Variants in MYO10 observed in about 807,000 individuals in gnomAD.
The protein encoded by MYO10 is myosin X, also known as unconventional myosin-X.
MYO10 carries 133 observed loss-of-function variants against 257.3 expected under a neutral mutation model. The ratio of observed to expected loss-of-function variants is 0.52; its 90% CI spans 0.45 to 0.60. The LOEUF is 0.60. MYO10 is among the 20% of genes least tolerant of loss of function. MYO10 has a pLI of 0.00. For synonymous variants in MYO10, 1,104 were observed against 1,028.6 expected (o/e 1.07, Z -1.40); for missense variants, 2,399 against 2,635.7 (o/e 0.91, Z 1.97).
At position 16,766,061 on chromosome 5, in the gene MYO10, G is replaced by C. The variant is rs1372392110; in HGVS notation, c.1179+19C>G. ...AGGAGTGTCTAGTAACGCAAGATCA[G>C]ATGGCAAAGCGTGTGTACCTGTTGA... On this transcript the variant is annotated intron_variant, in intron 11 of 40. Transcript: ENST00000513610. The C allele has an allele frequency of 1.3e-6, 2 of 1,563,058 alleles. No homozygotes were observed. The highest frequency in any genetic ancestry group is 3.3e-5 in the Admixed American group (2 of 59,866).
At chr5:16,909,569 A>G (rs1745605821) in intron 1 of MYO10, among the ~76,000 whole-genome samples, 1 of 151,506 alleles carries the variant, frequency 6.6e-6, no homozygotes, top group Admixed American at 6.6e-5. Flanking sequence ...TTGCGAGAAT[A>G]GCACAGAAAA....
In MYO10 at chr5:16,777,839, C is replaced by CCTTTTTTTTTTTTTTTTTTTT. The variant is rs1560979466; in HGVS notation, c.930+1705_930+1706insAAAAAAAAAAAAAAAAAAAAG. Among the ~76,000 whole-genome samples the CCTTTTTTTTTTTTTTTTTTTT allele has an allele frequency of 1.7e-4, 15 of 88,480 alleles. 1 individual carries two copies. The highest frequency in any genetic ancestry group is 4.3e-4 in the African/African-American group (8 of 18,654). 58.0% of individuals were successfully genotyped at this position (88,480 alleles called of 152,430 possible). A position where few individuals can be genotyped will look rare whatever the true frequency, so the allele number is the denominator to read the frequency against. ...GCCACCCTAGGTGCATTGCATCTAACTTTTTTTTTTTTTTTTTTTTTTTTT... is the reference window on the plus strand; with the variant it reads ...GCCACCCTAGGTGCATTGCATCTAACCTTTTTTTTTTTTTTTTTTTTTTTTTTTTTTTTTTTTTTTTTTTTT... On this transcript the variant is annotated intron_variant, in intron 9 of 40. Coordinates refer to ENST00000513610, the MANE Select transcript of MYO10 (RefSeq NM_012334.3).
intron 19 of MYO10, chr5:16,713,620 T>G: frequency 1.8e-6 from 1 of 547,656 alleles, no homozygotes; most frequent in Non-Finnish European, 2.3e-6. Flanking sequence ...TCCCTGCCCC[T>G]TCCCAGTAAC....
intron 21 of MYO10, among the ~76,000 whole-genome samples, chr5:16,709,709 G>A (rs1738506816): frequency 6.6e-6 from 1 of 152,222 alleles, no homozygotes. Flanking sequence ...CAGCTCAGCT[G>A]TGCCCCAGCT....
At chr5:16,814,320 T>C (rs1460120027) in intron 3 of MYO10, among the ~76,000 whole-genome samples, 2 of 142,052 alleles carry the variant, frequency 1.4e-5, no homozygotes, top group Non-Finnish European at 3.0e-5. Context: ...TTTTTTGTAC[T>C]TTTTTTTTTA....
At position 16,701,687 on chromosome 5, in the gene MYO10, A is replaced by G. The variant is rs112696559; in HGVS notation, c.2708T>C (p.Met903Thr). The G allele has an allele frequency of 8.8e-3, 14,205 of 1,613,910 alleles. 93 individuals carry two copies. The highest frequency in any genetic ancestry group is 0.016 in the South Asian group (1,473 of 91,082). ...LEKEIEDLQRMKEQQELSLTE... is the reference protein window; with the variant it reads ...LEKEIEDLQRTKEQQELSLTE... ...CAGCGACAGCTCCTGCTGCTCCTTC[A>G]TGCGCTGCAGGTCCTCGATTTCTTT... The change falls in exon 25 of 41, where the codon ATG becomes ACG. Residue 903 changes from methionine (M) to threonine (T), a missense_variant. By Grantham distance (81) the Met-to-Thr change is moderately conservative. This residue lies in a region of MYO10 where 1,820 missense variants were observed against 1,939.4 expected (regional missense o/e 0.94). Coordinates refer to ENST00000513610, the MANE Select transcript of MYO10 (RefSeq NM_012334.3). This position sits in a 1 kb window ranked among gnomAD's most constrained non-coding sequence, Gnocchi z 8.1.
At chr5:16,761,598 G>A (rs746109212) in intron 16 of MYO10, 52 bp from the exon 17 acceptor site, 104 of 1,343,118 alleles carry the variant, frequency 7.7e-5, no homozygotes, top group Non-Finnish European at 9.9e-5. Context: ...ATAGTTTCAG[G>A]TCATAAGCAA....
In MYO10 at chr5:16,673,851, T is replaced by C. The variant is rs777520757; in HGVS notation, c.5003A>G (p.Tyr1668Cys). The part of the protein sequence containing the change: ...EQFPGSEMEK[Y>C]ALFTYESLKK... ...AAGAGATTCGTAAGTGAAGAGAGCGTATTTTTCCATCTCGCTTCCTGGAAA... is the reference window on the plus strand; with the variant it reads ...AAGAGATTCGTAAGTGAAGAGAGCGCATTTTTCCATCTCGCTTCCTGGAAA... The change falls in exon 36 of 41, where the codon TAC becomes TGC. Residue 1668 changes from tyrosine to cysteine, a missense_variant. By Grantham distance (194) the Tyr-to-Cys change is radical (BLOSUM62 -2). Transcript: ENST00000513610. The C allele has an allele frequency of 1.2e-6, 2 of 1,613,966 alleles. No homozygotes were observed. Among genetic ancestry groups the C allele is most frequent in the Non-Finnish European group, 1.7e-6 (2 of 1,179,874 alleles).
rs144303743 is a variant in MYO10, at chr5:16,867,665, T to C, written c.120+9944A>G. 4.8e-3 allele frequency among the ~76,000 whole-genome samples: 725 copies of C among 152,254 alleles called. 4 individuals are homozygous for C. Among genetic ancestry groups the C allele is most frequent in the Non-Finnish European group, 7.6e-3 (517 of 68,022 alleles). Reference sequence around the variant, plus strand: ...CCAAAAAGTCAGAGACGGCTTTAAGTGGGAGCTGCGATTGCTTTAAGTGGG... The same window carrying C: ...CCAAAAAGTCAGAGACGGCTTTAAGCGGGAGCTGCGATTGCTTTAAGTGGG... On this transcript the variant is annotated intron_variant, in intron 2 of 40. Transcript: ENST00000513610.
At chr5:16,915,953 C>T (rs1293409420) in intron 1 of MYO10, 2 of 393,696 alleles carry the variant, frequency 5.1e-6, no homozygotes, top group African/African-American at 3.0e-5. Context: ...CGAGACTCTA[C>T]GTCAAAAAGA....
intron 19 of MYO10, among the ~76,000 whole-genome samples, chr5:16,718,879 C>T (rs941501913): frequency 2.4e-4 from 36 of 152,150 alleles, no homozygotes; most frequent in Non-Finnish European, 2.6e-4. Context: ...CTGATGGGGA[C>T]GTGGAGAACC....
chr5:16,762,776 C>G, intron 14 of MYO10, 139 bp from the exon 15 acceptor site: 1 of 597,540 alleles, frequency 1.7e-6, no homozygotes, highest in Non-Finnish European at 2.9e-6. Flanking sequence ...CCAGCCTGGC[C>G]AACAGTGAAA....
chr5:16,849,695 T>C (rs1743743479), intron 2 of MYO10, among the ~76,000 whole-genome samples: 1 of 152,218 alleles, frequency 6.6e-6, no homozygotes, highest in Admixed American at 6.5e-5. Flanking sequence ...TAAATGATGT[T>C]AAATTAATGT....
At chr5:16,757,757 C>G (rs988482331) in intron 18 of MYO10, among the ~76,000 whole-genome samples, 1 of 152,126 alleles carries the variant, frequency 6.6e-6, no homozygotes, top group African/African-American at 2.4e-5. Context: ...CTTGATCTCC[C>G]AGGCTCAGGC....
intron 27 of MYO10, among the ~76,000 whole-genome samples, chr5:16,691,514 C>A (rs937860105): frequency 3.3e-5 from 5 of 151,560 alleles, no homozygotes; most frequent in Non-Finnish European, 5.9e-5. Context: ...GCCTGGCCAA[C>A]ATGGTGAAAT....
At position 16,666,658 on chromosome 5, in the gene MYO10, C is replaced by CAGGT. The variant is rs1464157504; in HGVS notation, c.*30_*33dup. 1.3e-6 allele frequency: 2 copies of CAGGT among 1,545,342 alleles called. No individual in the cohort carries two copies. The highest frequency in any genetic ancestry group is 2.4e-5 in the South Asian group (2 of 84,980). On this transcript the variant is annotated 3_prime_UTR_variant, in exon 41 of 41. Coordinates refer to ENST00000513610, the MANE Select transcript of MYO10 (RefSeq NM_012334.3). ...AGCCTAGGCCAGAGGGTGGTGCGTT[C>CAGGT]AGGTAGCAAAGACAGGTGGGCTCTG...
intron 2 of MYO10, among the ~76,000 whole-genome samples, chr5:16,840,429 G>T (rs1439520105): frequency 8.9e-6 from 1 of 112,200 alleles, no homozygotes; most frequent in African/African-American, 2.6e-5. Context: ...ATGAATGAAT[G>T]AATGAATGAA....
At chr5:16,849,564 T>C (rs1482295084) in intron 2 of MYO10, among the ~76,000 whole-genome samples, 1 of 152,222 alleles carries the variant, frequency 6.6e-6, no homozygotes, top group African/African-American at 2.4e-5. Flanking sequence ...GTTACCAATA[T>C]ATTTCAGGAT....
At chr5:16,861,485 T>C (rs910248315) in intron 2 of MYO10, among the ~76,000 whole-genome samples, 2 of 151,968 alleles carry the variant, frequency 1.3e-5, no homozygotes, top group African/African-American at 4.8e-5. Flanking sequence ...GGCAGGAGAA[T>C]CACTTGAACC....
Sources: gnomAD v4.1 joint callset for allele counts (sites outside exome capture counted in the v4.1 genomes callset) on GRCh38, gnomAD v4.1.1 for gene constraint, gnomAD v4.1.1 regional missense constraint, Gnocchi (gnomAD v3.1) non-coding constraint, MANE v1.5 for transcripts, NCBI Gene and HGNC (gene_info 2026-07-23, HGNC 2026-07-21) for gene names.